TMEM163: variants seen among roughly 807,000 people sequenced by gnomAD.
TMEM163 encodes the protein transmembrane protein 163.
In TMEM163, 17 loss-of-function variants were observed where a neutral mutation model predicts 29.3. The ratio of observed to expected loss-of-function variants is 0.58; its 90% CI spans 0.40 to 0.87. TMEM163 has a LOEUF of 0.87. TMEM163 is among the 40% of genes least tolerant of loss of function. The pLI is 0.00. For synonymous variants in TMEM163, 157 were observed against 160.6 expected (o/e 0.98, Z 0.17); for missense variants, 303 against 381.5 (o/e 0.79, Z 1.71).
chr2:134,637,169 A>T (rs907724378), intron 2 of TMEM163, among the ~76,000 whole-genome samples: 1 of 151,666 alleles, frequency 6.6e-6, no homozygotes, highest in African/African-American at 2.4e-5. Flanking sequence ...CAAAACATTG[A>T]TGAGAAAAAT....
At chr2:134,676,698 G>A (rs978149615) in intron 2 of TMEM163, among the ~76,000 whole-genome samples, 21 of 152,138 alleles carry the variant, frequency 1.4e-4, no homozygotes, top group African/African-American at 4.3e-4. Flanking sequence ...AGTCCTAGGC[G>A]ATCATTAGTC....
intron 2 of TMEM163, among the ~76,000 whole-genome samples, chr2:134,663,361 G>A (rs1202113109): frequency 6.6e-5 from 10 of 152,156 alleles, no homozygotes; most frequent in Non-Finnish European, 1.3e-4. Context: ...CAAACATGCG[G>A]GACAGAATTC....
chr2:134,468,085 T>C (rs547676034), intron 5 of TMEM163: 2 of 152,130 alleles, frequency 1.3e-5, no homozygotes, highest in Non-Finnish European at 2.9e-5. Flanking sequence ...TCAGCCTAAG[T>C]CCAGGAGACA....
intron 2 of TMEM163, among the ~76,000 whole-genome samples, chr2:134,606,864 A>C (rs1050613943): frequency 2.0e-5 from 3 of 152,284 alleles, no homozygotes; most frequent in African/African-American, 7.2e-5. Flanking sequence ...AGCAGTTTCA[A>C]TAAAACAGTG....
At chr2:134,620,667 C>T (rs1012865249) in intron 2 of TMEM163, among the ~76,000 whole-genome samples, 4 of 152,180 alleles carry the variant, frequency 2.6e-5, no homozygotes, top group Non-Finnish European at 5.9e-5. Flanking sequence ...GAGGAAAAAT[C>T]TTTCATTTAT....
intron 2 of TMEM163, among the ~76,000 whole-genome samples, chr2:134,622,255 AC>A (rs1682755672): frequency 6.6e-6 from 1 of 152,226 alleles, no homozygotes; most frequent in African/African-American, 2.4e-5. Flanking sequence ...TATAAATTCT[AC>A]AACTGGCAAA....
At chr2:134,713,112 ACT>A in intron 2 of TMEM163, 86 bp downstream of exon 2, 1 of 1,547,814 alleles carries the variant, frequency 6.5e-7, no homozygotes, top group Non-Finnish European at 8.7e-7. Flanking sequence ...ATAATAGTCA[ACT>A]AAAAGCAAAA....
chr2:134,534,360 C>T (rs895864389), intron 4 of TMEM163, among the ~76,000 whole-genome samples: 2 of 152,152 alleles, frequency 1.3e-5, no homozygotes, highest in African/African-American at 4.8e-5. Context: ...AAACCACCAC[C>T]CCACCATTCC....
At chr2:134,617,884 G>GA (rs1289956830) in intron 2 of TMEM163, among the ~76,000 whole-genome samples, 1 of 152,160 alleles carries the variant, frequency 6.6e-6, no homozygotes, top group African/African-American at 2.4e-5. Flanking sequence ...GCCAAGGTGG[G>GA]AGGGGGGCTT....
chr2:134,639,977 C>T (rs1477521884), intron 2 of TMEM163, among the ~76,000 whole-genome samples: 1 of 152,140 alleles, frequency 6.6e-6, no homozygotes, highest in African/African-American at 2.4e-5. Flanking sequence ...ATTCAATTTT[C>T]CTTAAAAATA....
chr2:134,461,790 C>T (rs905633930), intron 6 of TMEM163, among the ~76,000 whole-genome samples: 2 of 152,196 alleles, frequency 1.3e-5, no homozygotes, highest in East Asian at 1.9e-4. Flanking sequence ...AGCCTGGCTC[C>T]GGGTTGGGAC....
Position 134,679,629 on chromosome 2 carries a change from C to T in TMEM163, c.322+33571G>A, listed in dbSNP as rs146940058. 3.1e-4 allele frequency among the ~76,000 whole-genome samples: 47 copies of T among 152,260 alleles called. No individual in the cohort carries two copies. In the East Asian group the frequency reaches 7.9e-3, roughly 26 times the overall value. On this transcript the variant is annotated intron_variant, in intron 2 of 7. Transcript: ENST00000281924. The stretch of plus-strand genomic sequence containing the variant: ...CATTCAGGAGCTTCCCAGGAGCTTT[C>T]GAAGACATTTTATTTGATTCTTACA...
intron 2 of TMEM163, among the ~76,000 whole-genome samples, chr2:134,610,587 A>G (rs887686099): frequency 6.6e-6 from 1 of 152,158 alleles, no homozygotes; most frequent in Non-Finnish European, 1.5e-5. Context: ...TCTACAGGTC[A>G]TAAGTCGATG....
intron 2 of TMEM163, among the ~76,000 whole-genome samples, chr2:134,582,156 C>A (rs111908344): frequency 6.6e-6 from 1 of 152,028 alleles, no homozygotes; most frequent in Non-Finnish European, 1.5e-5. Context: ...TGGGAAGATG[C>A]CTAATTAGAA....
chr2:134,480,323 C>T (rs939164300), intron 5 of TMEM163, among the ~76,000 whole-genome samples: 4 of 152,202 alleles, frequency 2.6e-5, no homozygotes, highest in African/African-American at 7.2e-5. Flanking sequence ...CACACAGCCA[C>T]AGGGCTCACT....
intron 2 of TMEM163, among the ~76,000 whole-genome samples, chr2:134,584,813 G>T (rs1156897501): frequency 6.6e-6 from 1 of 152,156 alleles, no homozygotes; most frequent in Non-Finnish European, 1.5e-5. Context: ...CAGGTACTAA[G>T]CTTAGCATGT....
At chr2:134,688,738 T>C (rs763040107) in intron 2 of TMEM163, among the ~76,000 whole-genome samples, 1 of 152,188 alleles carries the variant, frequency 6.6e-6, no homozygotes, top group Non-Finnish European at 1.5e-5. Context: ...CCTGTTCTAA[T>C]GTCTTATAAT....
chr2:134,646,071 A>G (rs1046952540), intron 2 of TMEM163, among the ~76,000 whole-genome samples: 3 of 151,698 alleles, frequency 2.0e-5, no homozygotes, highest in African/African-American at 7.2e-5. Context: ...CATAGTCTCA[A>G]TGTGTAACTT....
At chr2:134,586,504 G>A (rs921924310) in intron 2 of TMEM163, among the ~76,000 whole-genome samples, 10 of 152,112 alleles carry the variant, frequency 6.6e-5, no homozygotes, top group African/African-American at 1.9e-4. Context: ...CTTTTCATAA[G>A]GACGCTAGTC....
Sources: gnomAD v4.1 joint callset for allele counts (sites outside exome capture counted in the v4.1 genomes callset) on GRCh38, gnomAD v4.1.1 for gene constraint, MANE v1.5 for transcripts, NCBI Gene and HGNC (gene_info 2026-07-23, HGNC 2026-07-21) for gene names.